Variants in METAP1D observed in about 807,000 individuals in gnomAD.
METAP1D encodes the protein methionine aminopeptidase 1D, mitochondrial.
In METAP1D, 31 loss-of-function variants were observed where a neutral mutation model predicts 40.5. The ratio of observed to expected loss-of-function variants is 0.77; its 90% CI spans 0.58 to 1.03. METAP1D has a LOEUF of 1.03. Ranked by LOEUF, METAP1D falls within the 50% of genes least tolerant of loss-of-function variation. The probability of loss-of-function intolerance (pLI) is 0.00; values close to 1 mark genes in which losing one functional copy is unlikely to be tolerated. For synonymous variants in METAP1D, 151 were observed against 146.4 expected, an observed-to-expected ratio of 1.03 and a Z score of -0.22; for missense variants, 411 against 420.7, an observed-to-expected ratio of 0.98 and a Z score of 0.20.
intron 6 of METAP1D, among the ~76,000 whole-genome samples, chr2:172,073,975 A>G (rs1222535022): frequency 6.6e-6 from 1 of 152,210 alleles, no homozygotes; most frequent in Non-Finnish European, 1.5e-5. Context: ...AAAGAAGATA[A>G]TGTCTTTGAG....
intron 1 of METAP1D, among the ~76,000 whole-genome samples, chr2:172,060,270 G>T (rs750962244): frequency 1.1e-4 from 16 of 151,746 alleles, no homozygotes; most frequent in African/African-American, 3.6e-4. Flanking sequence ...ACAAAAATTA[G>T]CCAGGCATGG....
intron 1 of METAP1D, among the ~76,000 whole-genome samples, chr2:172,007,781 C>T (rs1688622538): frequency 1.3e-5 from 2 of 152,126 alleles, no homozygotes; most frequent in Non-Finnish European, 2.9e-5. Context: ...CCTTCTTCTC[C>T]TGGGTTCAAG....
chr2:172,024,570 A>C (rs1418243132), intron 1 of METAP1D, among the ~76,000 whole-genome samples: 1 of 152,066 alleles, frequency 6.6e-6, no homozygotes, highest in African/African-American at 2.4e-5. Flanking sequence ...TGTAATCTTC[A>C]CCAATGGCAA....
At chr2:172,079,301 T>C (rs868257361) in intron 8 of METAP1D, 39 bp downstream of exon 8, 4 of 1,608,216 alleles carry the variant, frequency 2.5e-6, no homozygotes, top group Middle Eastern at 1.7e-4. Flanking sequence ...GCGTAGCTCC[T>C]GGTGGAAGCT....
At chr2:172,001,951 C>A (rs1688473892) in intron 1 of METAP1D, among the ~76,000 whole-genome samples, 1 of 151,504 alleles carries the variant, frequency 6.6e-6, no homozygotes, top group South Asian at 2.1e-4. Flanking sequence ...CAAAAATTAG[C>A]CAGGTGTGGT....
chr2:172,035,460 G>A (rs759832199), intron 1 of METAP1D, among the ~76,000 whole-genome samples: 10 of 151,958 alleles, frequency 6.6e-5, no homozygotes, highest in Non-Finnish European at 1.3e-4. Flanking sequence ...CACCACCCCC[G>A]GCCTACTGTA....
Position 172,053,514 on chromosome 2 carries a change from CATT to C in METAP1D, c.41-7983_41-7981del, listed in dbSNP as rs570510102. Reference sequence around the variant, plus strand: ...CATATTTGAAAATGAATTAGCAAAACATTGTTGTTTTTCTCTCTTGGTAATCAT... The same window carrying C: ...CATATTTGAAAATGAATTAGCAAAACGTTGTTTTTCTCTCTTGGTAATCAT... On this transcript the variant is annotated intron_variant, in intron 1 of 9. Transcript: ENST00000315796. 3.7e-4 allele frequency among the ~76,000 whole-genome samples: 56 copies of C among 152,188 alleles called. 1 individual carries two copies. In the South Asian group the frequency reaches 5.0e-3, roughly 14 times the overall value.
At chr2:172,062,447 CA>C (rs1171632320) in intron 2 of METAP1D, among the ~76,000 whole-genome samples, 2 of 152,162 alleles carry the variant, frequency 1.3e-5, no homozygotes, top group Non-Finnish European at 2.9e-5. Flanking sequence ...GTATTAGTTA[CA>C]AAACTGACAC....
chr2:172,065,254 G>A (rs1022123922), intron 3 of METAP1D, among the ~76,000 whole-genome samples: 5 of 152,126 alleles, frequency 3.3e-5, no homozygotes, highest in Admixed American at 2.6e-4. Flanking sequence ...GGTAGCCCAG[G>A]GCACCAATCA....
intron 6 of METAP1D, among the ~76,000 whole-genome samples, chr2:172,074,545 C>T (rs1690499774): frequency 6.6e-6 from 1 of 152,074 alleles, no homozygotes; most frequent in Admixed American, 6.5e-5. Context: ...AAACAGAAAA[C>T]CTCAAATAAA....
At chr2:172,021,275 C>G (rs1457221983) in intron 1 of METAP1D, among the ~76,000 whole-genome samples, 2 of 152,164 alleles carry the variant, frequency 1.3e-5, no homozygotes, top group Admixed American at 1.3e-4. Flanking sequence ...GAGATTTGAG[C>G]TTAACCTCTC....
At chr2:172,078,073 T>C (rs1690592099) in intron 7 of METAP1D, among the ~76,000 whole-genome samples, 179 bp downstream of exon 7, 1 of 152,152 alleles carries the variant, frequency 6.6e-6, no homozygotes, top group Non-Finnish European at 1.5e-5. Flanking sequence ...ATTACTGTGT[T>C]ACTGGATTAG....
intron 1 of METAP1D, among the ~76,000 whole-genome samples, chr2:172,018,069 G>A (rs1378262568): frequency 7.1e-6 from 1 of 141,164 alleles, no homozygotes; most frequent in South Asian, 2.3e-4. Flanking sequence ...GGAGGTTGTA[G>A]TGAGCTGAGA....
At chr2:172,065,889 A>T in intron 4 of METAP1D, 137 bp downstream of exon 4, 1 of 951,800 alleles carries the variant, frequency 1.1e-6, no homozygotes. Context: ...ATAAAACAGA[A>T]ATTTTGAAGT....
chr2:172,028,114 G>A (rs927947041), intron 1 of METAP1D, among the ~76,000 whole-genome samples: 11 of 152,290 alleles, frequency 7.2e-5, no homozygotes, highest in South Asian at 6.2e-4. Flanking sequence ...AATGAGAAAC[G>A]TGCGTTTAGG....
intron 1 of METAP1D, among the ~76,000 whole-genome samples, chr2:172,011,329 G>A (rs1275738325): frequency 6.7e-6 from 1 of 148,364 alleles, no homozygotes; most frequent in African/African-American, 2.5e-5. Flanking sequence ...CTGTCGCCCA[G>A]GCTGGAGTGC....
intron 1 of METAP1D, among the ~76,000 whole-genome samples, chr2:172,058,429 AG>A (rs1373467579): frequency 1.3e-5 from 2 of 152,222 alleles, no homozygotes; most frequent in Non-Finnish European, 2.9e-5. Context: ...TGCTTTTCCT[AG>A]GACACTACCC....
intron 1 of METAP1D, among the ~76,000 whole-genome samples, chr2:172,055,180 C>A (rs1402977046): frequency 6.6e-6 from 1 of 152,140 alleles, no homozygotes; most frequent in Non-Finnish European, 1.5e-5. Flanking sequence ...ACCAAAACAC[C>A]GTGTGCAGTG....
intron 1 of METAP1D, among the ~76,000 whole-genome samples, chr2:172,036,181 G>C (rs1180220021): frequency 6.6e-6 from 1 of 151,050 alleles, no homozygotes; most frequent in Non-Finnish European, 1.5e-5. Context: ...GCTGGGCGTG[G>C]TGGCGGGTGC....
Sources: allele counts gnomAD v4.1 joint callset (sites outside exome capture counted in the v4.1 genomes callset), GRCh38; gene constraint gnomAD v4.1.1; transcripts MANE v1.5; gene names NCBI Gene and HGNC (gene_info 2026-07-23, HGNC 2026-07-21).